The following NIPSNAP2 variants were observed in gnomAD, a reference collection of about 807,000 sequenced individuals.
NIPSNAP2 encodes the protein protein NipSnap homolog 2.
NIPSNAP2 carries 42 observed loss-of-function variants against 48.4 expected under a neutral mutation model. The observed-to-expected ratio is 0.87, with a 90% CI of 0.68 to 1.12. The LOEUF (loss-of-function observed/expected upper bound fraction) is 1.12. Among genes scored for constraint, NIPSNAP2 ranks in the 50% most tolerant of loss-of-function variants. NIPSNAP2 has a pLI of 0.00. For missense variants in NIPSNAP2, 314 were observed against 347.3 expected (o/e 0.90, Z 0.76); for synonymous variants, 158 against 126.6 (o/e 1.25, Z -1.67).
chr7:55,981,333 A>G (rs1183906446), intron 3 of NIPSNAP2, 140 bp from the exon 4 acceptor site: 2 of 620,338 alleles, frequency 3.2e-6, no homozygotes, highest in African/African-American at 1.8e-5. Context: ...TTAACTCCAC[A>G]TGCCGTTTTA....
rs1787628434 is a variant in NIPSNAP2, at chr7:55,999,110, G to A, written c.*38G>A. On this transcript the variant is annotated 3_prime_UTR_variant, in exon 10 of 10. Coordinates refer to ENST00000322090, the MANE Select transcript of NIPSNAP2 (RefSeq NM_001483.3). The stretch of plus-strand genomic sequence containing the variant: ...TCTATGTGCCTACATACATTTCTGT[G>A]ACAAGTATTTGTCGTAAATTAATTT... The A allele has an allele frequency of 6.7e-7, 1 of 1,502,304 alleles. No individual in the cohort carries two copies. The highest frequency in any genetic ancestry group is 1.4e-5 in the African/African-American group (1 of 72,112). The allele number at this position is 1,502,304 out of a possible 1,614,324, so 93.1% of individuals were successfully genotyped here. A position where few individuals can be genotyped will look rare whatever the true frequency, so the allele number is the denominator to read the frequency against.
chr7:55,994,899 G>T lies in NIPSNAP2; in HGVS notation c.623G>T (p.Arg208Leu). Residue 208 changes from arginine (R) to leucine (L), a missense_variant, in exon 8 of 10, where the codon CGT becomes CTT. Around this residue, in one of 2 missense-constraint regions of NIPSNAP2, gnomAD observed 116 missense variants for 161.8 expected, o/e 0.72. Transcript: ENST00000322090. ...TMIEWGNYWA[R>L]AIRFRQDGNE... ...ACATCATCTCATTCTTACAGGGCTC[G>T]TGCAATCCGCTTCAGACAGGATGGT... is the stretch of plus-strand genomic sequence containing the variant. 6.2e-7 allele frequency: 1 copy of T among 1,613,956 alleles called. No individual in the cohort carries two copies. The highest frequency in any genetic ancestry group is 1.7e-5 in the Admixed American group (1 of 60,002).
intron 1 of NIPSNAP2, among the ~76,000 whole-genome samples, chr7:55,976,303 C>T (rs916490340): frequency 2.6e-5 from 4 of 152,106 alleles, no homozygotes; most frequent in Admixed American, 1.3e-4. Flanking sequence ...TATTTTCTGA[C>T]GGGGAGTATT....
chr7:55,981,060 C>T (rs1244963218), intron 3 of NIPSNAP2: 1 of 152,714 alleles, frequency 6.5e-6, no homozygotes, highest in Admixed American at 6.5e-5. Context: ...TTTCCATCTT[C>T]CTTATTTCTT....
chr7:55,975,815 A>G (rs774519304), intron 1 of NIPSNAP2, among the ~76,000 whole-genome samples: 1 of 152,212 alleles, frequency 6.6e-6, no homozygotes, highest in Non-Finnish European at 1.5e-5. Flanking sequence ...AGGTGGGCAG[A>G]TCACTTGAGG....
At chr7:55,981,287 C>G (rs907426884) in intron 3 of NIPSNAP2, 186 bp from the exon 4 acceptor site, 1 of 467,284 alleles carries the variant, frequency 2.1e-6, no homozygotes, top group Non-Finnish European at 3.9e-6. Context: ...TTCTGATCAG[C>G]AGGGTGTTGG....
At chr7:55,970,816 C>T (rs1787002410) in intron 1 of NIPSNAP2, among the ~76,000 whole-genome samples, 1 of 152,150 alleles carries the variant, frequency 6.6e-6, no homozygotes, top group African/African-American at 2.4e-5. Flanking sequence ...GCCTTCTCCA[C>T]CTGTCTTGCT....
intron 1 of NIPSNAP2, among the ~76,000 whole-genome samples, chr7:55,974,258 CA>C (rs34972221): frequency 0.054 from 6,661 of 123,532 alleles, 191 homozygotes; most frequent in Admixed American, 0.073. Context: ...ATTTTTTAAG[CA>C]AAAAAAAAGA....
chr7:55,992,730 A>T (rs760088391), intron 7 of NIPSNAP2, among the ~76,000 whole-genome samples: 1 of 152,158 alleles, frequency 6.6e-6, no homozygotes, highest in Non-Finnish European at 1.5e-5. Flanking sequence ...TGTCTTCCCA[A>T]GTCTTGTCAC....
chr7:55,981,623 T>A, intron 4 of NIPSNAP2, 56 bp downstream of exon 4: 1 of 1,131,768 alleles, frequency 8.8e-7, no homozygotes, highest in Non-Finnish European at 1.3e-6. Flanking sequence ...ATGTAACACT[T>A]AAGTAATTTT....
At chr7:55,968,735 C>G (rs1786950610) in intron 1 of NIPSNAP2, among the ~76,000 whole-genome samples, 1 of 152,026 alleles carries the variant, frequency 6.6e-6, no homozygotes, top group South Asian at 2.1e-4. Context: ...AATTAAAAAG[C>G]AAATATAGGG....
chr7:55,998,721 G>A (rs1026521597), intron 9 of NIPSNAP2, among the ~76,000 whole-genome samples: 2 of 151,910 alleles, frequency 1.3e-5, no homozygotes, highest in East Asian at 1.9e-4. Flanking sequence ...GGATGGTCTC[G>A]ATTTCCTGAC....
chr7:55,998,406 C>G (rs7810080), intron 9 of NIPSNAP2, among the ~76,000 whole-genome samples: 1 of 150,988 alleles, frequency 6.6e-6, no homozygotes, highest in Non-Finnish European at 1.5e-5. Context: ...TTGCTGCTTA[C>G]GCGAACGTTT....
intron 1 of NIPSNAP2, among the ~76,000 whole-genome samples, chr7:55,972,746 G>T (rs968436550): frequency 6.6e-6 from 1 of 152,082 alleles, no homozygotes; most frequent in African/African-American, 2.4e-5. Flanking sequence ...TTATTAAACA[G>T]ATATCCCTAA....
In NIPSNAP2 at chr7:55,971,264, G is replaced by A. The variant is rs185056751; in HGVS notation, c.92+6563G>A. On this transcript the variant is annotated intron_variant, in intron 1 of 9. Coordinates refer to ENST00000322090, the MANE Select transcript of NIPSNAP2 (RefSeq NM_001483.3). Reference sequence around the variant, plus strand: ...TGACACTCAAAGATTTCAGTTTGACGGTTGGGGGTAGTACTGGCCGGCTTG... The same window carrying A: ...TGACACTCAAAGATTTCAGTTTGACAGTTGGGGGTAGTACTGGCCGGCTTG... Among the ~76,000 whole-genome samples, 29 of 152,272 alleles carry A rather than the reference G, an allele frequency of 1.9e-4. No homozygotes were observed. In the East Asian group the frequency reaches 5.0e-3, roughly 26 times the overall value.
Position 55,964,671 on chromosome 7 carries a change from C to G in NIPSNAP2, c.62C>G (p.Ala21Gly). 8.9e-7 allele frequency: 1 copy of G among 1,120,050 alleles called. No homozygotes were observed. The highest frequency in any genetic ancestry group is 1.1e-6 in the Non-Finnish European group (1 of 916,656). 69.4% of individuals were successfully genotyped at this position (1,120,050 alleles called of 1,614,324 possible). ...TGGGCCGGCGGCCTCCTGCAGCGGG[C>G]GGCCCCCTGCAGCCTCCTGCCCAGG... ...AAWAGGLLQR[A>G]APCSLLPRLR... Residue 21 changes from alanine to glycine, a missense_variant, in exon 1 of 10, where the codon GCG (alanine) becomes GGG (glycine). Physicochemically the swap from Ala to Gly is moderately conservative, Grantham distance 60. Transcript: ENST00000322090.
In NIPSNAP2 at chr7:55,999,092, G is replaced by C. The variant is rs771303193; in HGVS notation, c.*20G>C. ...CAGTAAAGCTGTAGAGTTTCTATGT[G>C]CCTACATACATTTCTGTGACAAGTA... On this transcript the variant is annotated 3_prime_UTR_variant, in exon 10 of 10. Coordinates refer to ENST00000322090, the MANE Select transcript of NIPSNAP2 (RefSeq NM_001483.3). 3 of 1,572,662 alleles carry C rather than the reference G, an allele frequency of 1.9e-6. No individual in the cohort carries two copies. The highest frequency in any genetic ancestry group is 2.6e-6 in the Non-Finnish European group (3 of 1,146,154).
chr7:55,984,931 A>T (rs1379891345), intron 7 of NIPSNAP2, 53 bp downstream of exon 7: 1 of 1,424,354 alleles, frequency 7.0e-7, no homozygotes, highest in Admixed American at 1.9e-5. Flanking sequence ...AGATTAGTTT[A>T]GGCCATAGTG....
chr7:55,984,717 C>CAAAA (rs34985300), intron 6 of NIPSNAP2, 130 bp from the exon 7 acceptor site: 7 of 493,206 alleles, frequency 1.4e-5, no homozygotes, highest in East Asian at 9.3e-5. Context: ...GATTCTGTCT[C>CAAAA]AAAAAAAAAA....
Sources: gnomAD v4.1 joint callset for allele counts (sites outside exome capture counted in the v4.1 genomes callset) on GRCh38, gnomAD v4.1.1 for gene constraint, gnomAD v4.1.1 regional missense constraint, MANE v1.5 for transcripts, NCBI Gene and HGNC (gene_info 2026-07-23, HGNC 2026-07-21) for gene names.